Variants in SEMA3A observed in about 807,000 individuals in gnomAD.
SEMA3A encodes semaphorin-3A.
Under a neutral mutation model 97.9 loss-of-function variants are expected in SEMA3A, and 29 were observed. That is an observed-to-expected ratio of 0.30 (90% CI 0.22 to 0.40). The LOEUF (loss-of-function observed/expected upper bound fraction) is 0.40. SEMA3A is among the 10% of genes least tolerant of loss of function. The pLI is 1.00. For synonymous variants in SEMA3A, 321 were observed against 323.7 expected, an observed-to-expected ratio of 0.99 and a Z score of 0.09; for missense variants, 763 against 951.3, an observed-to-expected ratio of 0.80 and a Z score of 2.60.
chr7:84,276,438 A>G (rs1185950307), intron 3 of SEMA3A, among the ~76,000 whole-genome samples: 7 of 152,060 alleles, frequency 4.6e-5, no homozygotes, highest in African/African-American at 1.7e-4. Flanking sequence ...GTTTTTCTTC[A>G]AATAGGTTGT....
chr7:84,022,089 T>C (rs1216427929), intron 6 of SEMA3A, among the ~76,000 whole-genome samples: 1 of 152,186 alleles, frequency 6.6e-6, no homozygotes, highest in South Asian at 2.1e-4. Context: ...ATTTTGTCAA[T>C]AGGATTAAAA....
intron 3 of SEMA3A, among the ~76,000 whole-genome samples, chr7:84,240,781 G>T (rs999488217): frequency 6.6e-6 from 1 of 152,162 alleles, no homozygotes; most frequent in African/African-American, 2.4e-5. Context: ...ACAGGCCCCT[G>T]TGTGTGATGT....
At chr7:84,153,148 A>T (rs1218708033) in intron 1 of SEMA3A, among the ~76,000 whole-genome samples, 1 of 152,178 alleles carries the variant, frequency 6.6e-6, no homozygotes, top group Non-Finnish European at 1.5e-5. Context: ...GGAGTTTATC[A>T]GCCCTGCTTT....
intron 4 of SEMA3A, among the ~76,000 whole-genome samples, chr7:84,083,491 C>A (rs1439640356): frequency 1.3e-5 from 2 of 151,776 alleles, no homozygotes; most frequent in Non-Finnish European, 2.9e-5. Flanking sequence ...TTTTGAAATA[C>A]ACAATAAATT....
At chr7:84,188,153 C>T (rs1469779524) in intron 1 of SEMA3A, among the ~76,000 whole-genome samples, 1 of 152,028 alleles carries the variant, frequency 6.6e-6, no homozygotes, top group East Asian at 1.9e-4. Context: ...TGACAAGATT[C>T]CTTAAAATGT....
Position 84,321,093 on chromosome 7 carries a change from G to A in SEMA3A, c.-168-13801C>T, listed in dbSNP as rs188369618. Among the ~76,000 whole-genome samples the A allele has an allele frequency of 1.5e-4, 23 of 152,122 alleles. No homozygotes were observed. In the East Asian group the frequency reaches 1.9e-3, roughly 13 times the overall value. ...AAGTTTGATTACAATCACAGTTTTC[G>A]AAATTTTAGTTTACCTCGAAAAAAT... On this transcript the variant is annotated intron_variant, in intron 2 of 3. Transcript: ENST00000424555.
In SEMA3A at chr7:83,985,432, G is replaced by T. The variant is rs1435940215; in HGVS notation, c.1494+4C>A. The T allele has an allele frequency of 6.2e-7, 1 of 1,600,836 alleles. No individual in the cohort carries two copies. Among genetic ancestry groups the T allele is most frequent in the Non-Finnish European group, 8.6e-7 (1 of 1,168,812 alleles). On this transcript the variant is annotated splice_donor_region_variant and intron_variant, in intron 13 of 16. Transcript: ENST00000265362. ...TATTCAATGGTAATACATAATGATA[G>T]TACCTGCTTAGTGGAAAGCTCCATT...
At chr7:84,406,124 A>G (rs1303410820) in intron 1 of SEMA3A, among the ~76,000 whole-genome samples, 3 of 152,322 alleles carry the variant, frequency 2.0e-5, no homozygotes, top group African/African-American at 7.2e-5. Context: ...GTTTTTTGAA[A>G]AGATCAACAA....
rs573719232 is a variant in SEMA3A at position 84,129,023 on chromosome 7, C to T, written c.333+100G>A. 12 of 869,942 alleles carry T rather than the reference C, an allele frequency of 1.4e-5. No homozygotes were observed. The East Asian group carries it at 2.7e-4, about 20-fold the overall frequency. The allele number at this position is 869,942 out of a possible 1,614,324, so 53.9% of individuals were successfully genotyped here. ...TATGAAAAGATTCTAACCCCTTCCC[C>T]ACACACACAAAAAAATCAGAAATTT... On this transcript the variant is annotated intron_variant, in intron 3 of 16. Coordinates refer to ENST00000265362, the MANE Select transcript of SEMA3A (RefSeq NM_006080.3).
At chr7:84,378,804 T>C (rs756228619) in intron 1 of SEMA3A, among the ~76,000 whole-genome samples, 26 of 152,100 alleles carry the variant, frequency 1.7e-4, no homozygotes, top group Non-Finnish European at 2.9e-4. Flanking sequence ...AAAATGTAAA[T>C]TGGAAGATTT....
chr7:84,118,188 G>A (rs1795491438), intron 3 of SEMA3A, among the ~76,000 whole-genome samples: 1 of 152,128 alleles, frequency 6.6e-6, no homozygotes, highest in Non-Finnish European at 1.5e-5. Flanking sequence ...GCTACCAAGG[G>A]CAATTGCATT....
In SEMA3A at chr7:84,298,875, A is replaced by G. The variant is rs113279007; in HGVS notation, c.-83+8332T>C. Among the ~76,000 whole-genome samples the G allele has an allele frequency of 3.3e-5, 5 of 152,256 alleles. 1 individual carries two copies. The highest frequency in any genetic ancestry group is 1.2e-4 in the African/African-American group (5 of 41,566). Reference sequence around the variant, plus strand: ...GGTGGGCACCATCCAATAAGCTGCCAGCAAAACTAGAATAAAGCAGGCAGG... The same window carrying G: ...GGTGGGCACCATCCAATAAGCTGCCGGCAAAACTAGAATAAAGCAGGCAGG... On this transcript the variant is annotated intron_variant, in intron 3 of 3. Coordinates refer to the SEMA3A transcript ENST00000424555.
intron 1 of SEMA3A, among the ~76,000 whole-genome samples, chr7:84,472,537 T>C (rs1806181833): frequency 6.6e-6 from 1 of 152,216 alleles, no homozygotes; most frequent in Non-Finnish European, 1.5e-5. Flanking sequence ...GTGTCTTGTT[T>C]TCTGTTTTTC....
intron 1 of SEMA3A, among the ~76,000 whole-genome samples, chr7:84,418,515 C>T (rs1024710169): frequency 1.3e-5 from 2 of 151,942 alleles, no homozygotes; most frequent in Non-Finnish European, 2.9e-5. Flanking sequence ...CCATATCACC[C>T]ACCCTCAATG....
At chr7:84,035,118 A>G (rs1791894237) in intron 6 of SEMA3A, among the ~76,000 whole-genome samples, 1 of 152,098 alleles carries the variant, frequency 6.6e-6, no homozygotes, top group African/African-American at 2.4e-5. Context: ...TAGACCATCT[A>G]TAAGACATGT....
chr7:84,480,874 G>A (rs913587384), intron 1 of SEMA3A, among the ~76,000 whole-genome samples: 4 of 152,234 alleles, frequency 2.6e-5, no homozygotes, highest in African/African-American at 7.2e-5. Context: ...TAGTGGGAAA[G>A]AGGGTAGCAT....
At chr7:84,278,864 T>C (rs1166465573) in intron 3 of SEMA3A, among the ~76,000 whole-genome samples, 1 of 152,034 alleles carries the variant, frequency 6.6e-6, no homozygotes, top group Non-Finnish European at 1.5e-5. Context: ...CATTTCAACA[T>C]GAGATTTGGG....
chr7:84,084,228 A>C (rs1794255879), intron 4 of SEMA3A, among the ~76,000 whole-genome samples: 1 of 151,988 alleles, frequency 6.6e-6, no homozygotes, highest in Admixed American at 6.6e-5. Context: ...TTATTTACTT[A>C]TTTTCCTAAT....
At chr7:84,379,164 T>C (rs373976018) in intron 1 of SEMA3A, among the ~76,000 whole-genome samples, 319 of 152,218 alleles carry the variant, frequency 2.1e-3, no homozygotes, top group African/African-American at 7.4e-3. Context: ...CCTGACCTCA[T>C]GATCCGCCTG....
Sources: allele counts gnomAD v4.1 joint callset (sites outside exome capture counted in the v4.1 genomes callset), GRCh38; gene constraint gnomAD v4.1.1; transcripts MANE v1.5; gene names NCBI Gene and HGNC (gene_info 2026-07-23, HGNC 2026-07-21).